Variants in DENND5B observed in about 807,000 individuals in gnomAD.
DENND5B encodes DENN domain containing 5B.
Under a neutral mutation model 140.6 loss-of-function variants are expected in DENND5B, and 34 were observed. The ratio of observed to expected loss-of-function variants is 0.24; its 90% CI spans 0.18 to 0.32. The LOEUF is 0.32. Among genes scored for constraint, DENND5B ranks in the 10% least tolerant of loss-of-function variants. The probability of loss-of-function intolerance (pLI) is 1.00; values close to 1 mark genes in which losing one functional copy is unlikely to be tolerated. For missense variants in DENND5B, 1,142 were observed against 1,560.2 expected (o/e 0.73, Z 4.52); for synonymous variants, 551 against 562.1 (o/e 0.98, Z 0.28).
Position 31,479,918 on chromosome 12 carries a change from A to G in DENND5B, c.575T>C (p.Ile192Thr), listed in dbSNP as rs369918175. ...GAATGGTAACGGTGTGATCAAGCAT[A>G]TACTTTTTGAAACATACAGGGTGTC... ...SRDTLYVSKS[I>T]CLITPLPFMQ... is the part of the protein sequence containing the mutation. The change falls in exon 3 of 21, where the codon ATA becomes ACA. Residue 192 changes from isoleucine (I) to threonine (T), a missense_variant. This residue lies in a region of DENND5B where 708 missense variants were observed against 905.5 expected (regional missense o/e 0.78). Coordinates refer to ENST00000389082, the MANE Select transcript of DENND5B (RefSeq NM_144973.4). 6 of 1,614,030 alleles carry G rather than the reference A, an allele frequency of 3.7e-6. No individual in the cohort carries two copies. The highest frequency in any genetic ancestry group is 5.1e-6 in the Non-Finnish European group (6 of 1,179,862).
In DENND5B at chr12:31,460,465, G is replaced by A; in HGVS notation, c.905-84C>T. On this transcript the variant is annotated intron_variant, in intron 3 of 20. Transcript: ENST00000389082. ...TTAAGCTGGAAAATGTGGATCTTAA[G>A]AAAAAAATTTCTGCGTTAAAAGTAA... The A allele has an allele frequency of 2.2e-6, 3 of 1,384,320 alleles. No homozygotes were observed. The East Asian group carries it at 7.0e-5, about 32-fold the overall frequency. 85.8% of individuals were successfully genotyped at this position (1,384,320 alleles called of 1,614,324 possible). A position where few individuals can be genotyped will look rare whatever the true frequency, so the allele number is the denominator to read the frequency against.
At chr12:31,534,948 C>T (rs1021225668) in intron 1 of DENND5B, 1 of 282,582 alleles carries the variant, frequency 3.5e-6, no homozygotes, top group Non-Finnish European at 6.8e-6. Context: ...GCGGCGTGTG[C>T]CTGTAGTCCC....
intron 6 of DENND5B, among the ~76,000 whole-genome samples, chr12:31,444,784 G>A (rs1944204466): frequency 6.6e-6 from 1 of 152,158 alleles, no homozygotes. Flanking sequence ...TTTATTCTCT[G>A]AACAAGGATA....
chr12:31,585,819 G>C (rs932014781), intron 1 of DENND5B, among the ~76,000 whole-genome samples: 2 of 152,204 alleles, frequency 1.3e-5, no homozygotes, highest in African/African-American at 2.4e-5. Context: ...GCTAGAGAGA[G>C]ACACTAAGGA....
At chr12:31,519,003 T>C (rs1322494266) in intron 1 of DENND5B, among the ~76,000 whole-genome samples, 2 of 152,206 alleles carry the variant, frequency 1.3e-5, no homozygotes, top group Admixed American at 6.5e-5. Flanking sequence ...AGGAAAGGGA[T>C]GACAAATGCA....
At chr12:31,392,161 T>A (rs1333646817) in intron 19 of DENND5B, 106 bp downstream of exon 19, 30 of 1,123,246 alleles carry the variant, frequency 2.7e-5, no homozygotes, top group African/African-American at 5.0e-5. Context: ...AGAAAAAAAA[T>A]ATATATATCC....
At chr12:31,572,559 A>C (rs1400297900) in intron 1 of DENND5B, among the ~76,000 whole-genome samples, 1 of 136,260 alleles carries the variant, frequency 7.3e-6, no homozygotes, top group Non-Finnish European at 1.6e-5. Context: ...AAAAAAAAAA[A>C]ACTCACGAGT....
intron 1 of DENND5B, among the ~76,000 whole-genome samples, chr12:31,512,872 C>T (rs980465301): frequency 2.0e-5 from 3 of 152,078 alleles, no homozygotes; most frequent in African/African-American, 7.2e-5. Flanking sequence ...TAACATCTTA[C>T]ATTAGTACAT....
chr12:31,489,652 C>T (rs1946447761), intron 2 of DENND5B, among the ~76,000 whole-genome samples: 1 of 152,172 alleles, frequency 6.6e-6, no homozygotes. Flanking sequence ...GAATAAGAGA[C>T]ACTGCTCCTG....
chr12:31,465,844 C>T (rs1415682542), intron 3 of DENND5B: 2 of 152,594 alleles, frequency 1.3e-5, no homozygotes, highest in Non-Finnish European at 2.9e-5. Flanking sequence ...AAAGACTAAT[C>T]ATGGAGTACT....
intron 1 of DENND5B, among the ~76,000 whole-genome samples, chr12:31,577,710 CAAAAAAA>C (rs35015214): frequency 1.6e-3 from 114 of 70,502 alleles, no homozygotes; most frequent in African/African-American, 5.2e-3. Flanking sequence ...GACTCTGTCT[CAAAAAAA>C]AAAAAAAAAA....
intron 1 of DENND5B, among the ~76,000 whole-genome samples, chr12:31,589,540 A>T (rs2139549791): frequency 6.6e-6 from 1 of 152,294 alleles, no homozygotes; most frequent in Non-Finnish European, 1.5e-5. Flanking sequence ...CTGTATTTTA[A>T]GGCTGAACAG....
intron 1 of DENND5B, among the ~76,000 whole-genome samples, chr12:31,550,326 G>C (rs1949004736): frequency 6.7e-6 from 1 of 148,690 alleles, no homozygotes; most frequent in African/African-American, 2.5e-5. Context: ...TTGGTTTTTG[G>C]TCCTTGCAAT....
In DENND5B at chr12:31,421,433, A is replaced by T. The variant is rs1315458723; in HGVS notation, c.2470+2164T>A. Among the ~76,000 whole-genome samples, 4 of 152,394 alleles carry T rather than the reference A, an allele frequency of 2.6e-5. No individual in the cohort carries two copies. The East Asian group carries it at 7.7e-4, about 29-fold the overall frequency. On this transcript the variant is annotated intron_variant, in intron 11 of 20. Transcript: ENST00000389082. ...AGGAAGCTTAATAATTGGCAAAAAA[A>T]GTATTTGGTGGAAAACCAGATTTTA...
intron 1 of DENND5B, among the ~76,000 whole-genome samples, chr12:31,574,571 C>T (rs1261996565): frequency 6.6e-6 from 1 of 151,926 alleles, no homozygotes; most frequent in Non-Finnish European, 1.5e-5. Context: ...GCCTGGGTGA[C>T]AGAGCGAGAC....
chr12:31,507,722 C>A (rs1452829660), intron 1 of DENND5B, among the ~76,000 whole-genome samples: 3 of 152,072 alleles, frequency 2.0e-5, no homozygotes, highest in Non-Finnish European at 4.4e-5. Flanking sequence ...ATGTCATGCG[C>A]TTGCCAGTGC....
intron 1 of DENND5B, among the ~76,000 whole-genome samples, chr12:31,501,950 T>A (rs918968733): frequency 1.3e-5 from 2 of 152,160 alleles, no homozygotes; most frequent in Non-Finnish European, 2.9e-5. Context: ...ATTCTCAATT[T>A]TTCTGCAAAT....
At chr12:31,457,114 C>A (rs932051415) in intron 4 of DENND5B, among the ~76,000 whole-genome samples, 1 of 152,146 alleles carries the variant, frequency 6.6e-6, no homozygotes, top group Non-Finnish European at 1.5e-5. Context: ...AATCTCAGGG[C>A]AAGATATGAC....
intron 1 of DENND5B, among the ~76,000 whole-genome samples, chr12:31,552,649 T>A (rs1949114352): frequency 6.6e-6 from 1 of 152,200 alleles, no homozygotes; most frequent in Non-Finnish European, 1.5e-5. Context: ...TACCAGCTCC[T>A]CCTTGTACCT....
Sources: allele counts gnomAD v4.1 joint callset (sites outside exome capture counted in the v4.1 genomes callset), GRCh38; gene constraint gnomAD v4.1.1; regional missense constraint gnomAD v4.1.1; transcripts MANE v1.5; gene names NCBI Gene and HGNC (gene_info 2026-07-23, HGNC 2026-07-21).